The following SLC24A2 variants were observed in gnomAD, a reference collection of about 807,000 sequenced individuals.
The protein encoded by SLC24A2 is solute carrier family 24 member 2.
SLC24A2 carries 36 observed loss-of-function variants against 62.0 expected under a neutral mutation model. The observed-to-expected ratio is 0.58, with a 90% confidence interval of 0.44 to 0.77. The LOEUF (loss-of-function observed/expected upper bound fraction) is 0.77, where lower values mean the gene tolerates loss of function less well. SLC24A2 is among the 30% of genes least tolerant of loss of function. The pLI, the probability that SLC24A2 is intolerant of heterozygous loss-of-function variation, is 0.00. For missense variants in SLC24A2, 846 were observed against 817.9 expected, an observed-to-expected ratio of 1.03 and a Z score of -0.42; for synonymous variants, 358 against 294.0, an observed-to-expected ratio of 1.22 and a Z score of -2.23.
chr9:19,584,648 G>A (rs146350655), intron 5 of SLC24A2, among the ~76,000 whole-genome samples: 2 of 152,050 alleles, frequency 1.3e-5, no homozygotes, highest in East Asian at 1.9e-4. Flanking sequence ...ATTATTGTAA[G>A]TTTTAGGGTA....
chr9:20,168,193 A>C, the SLC24A2 span, among the ~76,000 whole-genome samples: 1 of 152,068 alleles, frequency 6.6e-6, no homozygotes, highest in Non-Finnish European at 1.5e-5. Flanking sequence ...GGATTGAAAG[A>C]GAAAGATTAA....
chr9:19,912,106 G>T, the SLC24A2 span, among the ~76,000 whole-genome samples: 2 of 152,076 alleles, frequency 1.3e-5, no homozygotes, highest in Non-Finnish European at 2.9e-5. Context: ...TGTCGTGGAG[G>T]TATTCAAACC....
At chr9:20,064,586 A>G in the SLC24A2 span, among the ~76,000 whole-genome samples, 1 of 152,230 alleles carries the variant, frequency 6.6e-6, no homozygotes, top group Non-Finnish European at 1.5e-5. Flanking sequence ...TTATTGTAGC[A>G]CTTAATTATG....
chr9:20,134,067 T>C, the SLC24A2 span, among the ~76,000 whole-genome samples: 5 of 152,208 alleles, frequency 3.3e-5, no homozygotes, highest in East Asian at 1.9e-4. Context: ...GATGTACACA[T>C]AGATTCACAG....
At chr9:19,703,481 C>A (rs552053080) in intron 2 of SLC24A2, among the ~76,000 whole-genome samples, 1 of 152,234 alleles carries the variant, frequency 6.6e-6, no homozygotes, top group African/African-American at 2.4e-5. Context: ...GGACCAAAGT[C>A]ATATATTTAA....
At chr9:19,636,308 T>TC (rs1818322507) in intron 2 of SLC24A2, among the ~76,000 whole-genome samples, 1 of 39,842 alleles carries the variant, frequency 2.5e-5, no homozygotes, top group Non-Finnish European at 4.8e-5. Context: ...TCTTTTCTTT[T>TC]CTTTTCTTTT....
chr9:20,201,579 G>A, the SLC24A2 span, among the ~76,000 whole-genome samples: 1 of 152,206 alleles, frequency 6.6e-6, no homozygotes, highest in Non-Finnish European at 1.5e-5. Context: ...TGACTTAATA[G>A]AATAGGTATA....
chr9:19,547,037 G>T (rs578052931), intron 8 of SLC24A2, among the ~76,000 whole-genome samples: 1 of 152,114 alleles, frequency 6.6e-6, no homozygotes, highest in African/African-American at 2.4e-5. Context: ...TGGCGATCTC[G>T]CTGGGAGCTG....
At chr9:19,644,112 A>T (rs893691228) in intron 2 of SLC24A2, among the ~76,000 whole-genome samples, 1 of 152,236 alleles carries the variant, frequency 6.6e-6, no homozygotes, top group Non-Finnish European at 1.5e-5. Flanking sequence ...GAGTAATAGC[A>T]TCTCCCATTG....
the SLC24A2 span, among the ~76,000 whole-genome samples, chr9:20,136,054 G>T: frequency 8.0e-3 from 1,217 of 152,098 alleles, 11 homozygotes; most frequent in Middle Eastern, 0.02. Context: ...TGCATTTGAG[G>T]GGTCTATTTC....
At chr9:19,661,670 A>G (rs997691315) in intron 2 of SLC24A2, among the ~76,000 whole-genome samples, 1 of 152,180 alleles carries the variant, frequency 6.6e-6, no homozygotes, top group South Asian at 2.1e-4. Flanking sequence ...AGGAATAATC[A>G]ATCCTCTGAG....
intron 2 of SLC24A2, among the ~76,000 whole-genome samples, chr9:19,635,903 A>C (rs1235730774): frequency 6.6e-6 from 1 of 152,216 alleles, no homozygotes; most frequent in Non-Finnish European, 1.5e-5. Flanking sequence ...ATGTGTGTAC[A>C]TTTTGTATGT....
chr9:19,544,993 T>C (rs111985517), intron 8 of SLC24A2, among the ~76,000 whole-genome samples: 9 of 152,326 alleles, frequency 5.9e-5, no homozygotes, highest in African/African-American at 2.2e-4. Flanking sequence ...GTTGGGGAAC[T>C]TCTCCTGGAT....
chr9:20,217,009 T>A, the SLC24A2 span, among the ~76,000 whole-genome samples: 1 of 152,114 alleles, frequency 6.6e-6, no homozygotes, highest in Admixed American at 6.6e-5. Flanking sequence ...ATGTATACAT[T>A]TGCTCACCAA....
At chr9:20,079,962 C>T in the SLC24A2 span, among the ~76,000 whole-genome samples, 1 of 152,004 alleles carries the variant, frequency 6.6e-6, no homozygotes, top group Admixed American at 6.6e-5. Context: ...AACCACTGCT[C>T]AATGAAATAA....
At chr9:20,305,563 G>A in the SLC24A2 span, among the ~76,000 whole-genome samples, 3 of 152,158 alleles carry the variant, frequency 2.0e-5, no homozygotes, top group African/African-American at 7.2e-5. Flanking sequence ...GGGAGGGGAA[G>A]GGAGACTGAT....
chr9:19,528,010 G>C lies in SLC24A2; in HGVS notation c.1569+39C>G, dbSNP rs751875741. On this transcript the variant is annotated intron_variant, in intron 9 of 10. Transcript: ENST00000341998. ...TAAACACTTGACAATCAGGACTGGA[G>C]AAAAACAAGGCAGAGGCATGTCACT... The C allele has an allele frequency of 3.9e-6, 5 of 1,279,310 alleles. No homozygotes were observed. In the East Asian group the frequency reaches 1.2e-4, roughly 31 times the overall value. 79.2% of individuals were successfully genotyped at this position (1,279,310 alleles called of 1,614,324 possible).
the SLC24A2 span, among the ~76,000 whole-genome samples, chr9:20,055,594 T>A: frequency 6.6e-6 from 1 of 152,128 alleles, no homozygotes; most frequent in Non-Finnish European, 1.5e-5. Context: ...GGATTTGAAC[T>A]TAGACATACC....
At chr9:19,811,404 A>C in the SLC24A2 span, among the ~76,000 whole-genome samples, 3 of 152,316 alleles carry the variant, frequency 2.0e-5, no homozygotes, top group South Asian at 6.2e-4. Flanking sequence ...CTGAACTTAA[A>C]TTTGCAATGG....
Sources: gnomAD v4.1 joint callset for allele counts (sites outside exome capture counted in the v4.1 genomes callset) on GRCh38, gnomAD v4.1.1 for gene constraint, MANE v1.5 for transcripts, NCBI Gene and HGNC (gene_info 2026-07-23, HGNC 2026-07-21) for gene names.